Variants in STK39 observed in about 807,000 individuals in gnomAD.
The protein encoded by STK39 is STE20/SPS1-related proline-alanine-rich protein kinase.
STK39 carries 20 observed loss-of-function variants against 77.8 expected under a neutral mutation model. That is an observed-to-expected ratio of 0.26 (90% CI 0.18 to 0.37). STK39 has a LOEUF of 0.37. Among genes scored for constraint, STK39 ranks in the 10% least tolerant of loss-of-function variants. The pLI is 1.00. For missense variants in STK39, 479 were observed against 656.5 expected (o/e 0.73, Z 2.95); for synonymous variants, 246 against 234.1 (o/e 1.05, Z -0.47).
intron 5 of STK39, among the ~76,000 whole-genome samples, chr2:168,145,181 A>G (rs1688103770): frequency 6.6e-6 from 1 of 152,200 alleles, no homozygotes; most frequent in Non-Finnish European, 1.5e-5. Flanking sequence ...CCAGACAAAG[A>G]AACGGCATGA....
At chr2:168,077,903 C>CA (rs10707753) in intron 10 of STK39, among the ~76,000 whole-genome samples, 5,469 of 135,498 alleles carry the variant, frequency 0.04, 327 homozygotes, top group African/African-American at 0.13. Context: ...GTTAAAACTT[C>CA]AAAAAAAAAA....
intron 10 of STK39, among the ~76,000 whole-genome samples, chr2:168,081,709 G>T (rs1053895507): frequency 2.6e-5 from 4 of 152,168 alleles, no homozygotes; most frequent in South Asian, 4.1e-4. Flanking sequence ...ATCTTGAATT[G>T]TAACTCCCAC....
chr2:168,238,059 C>G (rs968374536), intron 1 of STK39, among the ~76,000 whole-genome samples: 1 of 152,146 alleles, frequency 6.6e-6, no homozygotes, highest in African/African-American at 2.4e-5. Flanking sequence ...TTTTCAATCC[C>G]CAGACTAAAC....
intron 10 of STK39, among the ~76,000 whole-genome samples, chr2:168,109,579 G>A (rs1022895845): frequency 2.6e-5 from 4 of 152,150 alleles, no homozygotes; most frequent in Admixed American, 6.5e-5. Context: ...TTCTCGAAGC[G>A]TAAAATTGTG....
At chr2:168,051,992 C>A (rs1685409082) in intron 14 of STK39, among the ~76,000 whole-genome samples, 1 of 141,082 alleles carries the variant, frequency 7.1e-6, no homozygotes, top group Non-Finnish European at 1.6e-5. Flanking sequence ...ATGAGGAAGA[C>A]TTTTTTTTTT....
intron 1 of STK39, among the ~76,000 whole-genome samples, chr2:168,183,967 T>A (rs571476254): frequency 6.6e-6 from 1 of 152,248 alleles, no homozygotes; most frequent in East Asian, 1.9e-4. Context: ...CTGGGCCTGG[T>A]ACCCAGCAGA....
chr2:168,199,488 G>C (rs1293605505), intron 1 of STK39, among the ~76,000 whole-genome samples: 1 of 151,930 alleles, frequency 6.6e-6, no homozygotes, highest in Non-Finnish European at 1.5e-5. Context: ...GGAATTCCAT[G>C]ATAAATTACT....
intron 14 of STK39, among the ~76,000 whole-genome samples, chr2:168,034,694 T>C (rs1684908314): frequency 6.6e-6 from 1 of 152,194 alleles, no homozygotes; most frequent in Non-Finnish European, 1.5e-5. Flanking sequence ...TTGCTGTTAT[T>C]ATGGATCGGT....
intron 10 of STK39, among the ~76,000 whole-genome samples, chr2:168,088,709 G>A (rs889844454): frequency 2.0e-5 from 3 of 152,054 alleles, no homozygotes; most frequent in African/African-American, 7.2e-5. Flanking sequence ...AATGAGGAGA[G>A]GCACACATAC....
chr2:168,097,653 T>C (rs752963494), intron 10 of STK39, among the ~76,000 whole-genome samples: 2 of 151,978 alleles, frequency 1.3e-5, no homozygotes, highest in Non-Finnish European at 2.9e-5. Flanking sequence ...GAGGATCCCT[T>C]GAGGCCAGGA....
At chr2:168,212,034 A>C (rs1418567082) in intron 1 of STK39, among the ~76,000 whole-genome samples, 1 of 152,228 alleles carries the variant, frequency 6.6e-6, no homozygotes, top group African/African-American at 2.4e-5. Context: ...AGTTGAAACT[A>C]ATACCCAAAA....
At chr2:168,075,268 C>T (rs201830552) in intron 10 of STK39, 37 bp from the exon 11 acceptor site, 2 of 1,610,702 alleles carry the variant, frequency 1.2e-6, no homozygotes, top group Non-Finnish European at 1.7e-6. Context: ...CTTCACTAGT[C>T]AAATGTGAAC....
chr2:168,209,940 A>T (rs1466636281), intron 1 of STK39, among the ~76,000 whole-genome samples: 1 of 151,520 alleles, frequency 6.6e-6, no homozygotes, highest in East Asian at 2.0e-4. Flanking sequence ...CAGAGGTTGC[A>T]ATGAGCCAAG....
At chr2:168,246,919 C>G (rs1690926280) in intron 1 of STK39, among the ~76,000 whole-genome samples, 1 of 151,944 alleles carries the variant, frequency 6.6e-6, no homozygotes, top group African/African-American at 2.4e-5. Context: ...TGCGGCGGCG[C>G]CGCCTGGTCC....
chr2:168,097,751 AAAG>A (rs1400835009), intron 10 of STK39, among the ~76,000 whole-genome samples: 3 of 151,636 alleles, frequency 2.0e-5, no homozygotes, highest in Non-Finnish European at 4.4e-5. Flanking sequence ...AAAAAAAAAA[AAAG>A]AAGACGAAGA....
chr2:168,046,149 CGAG>C (rs1685234953), intron 14 of STK39, among the ~76,000 whole-genome samples: 1 of 152,114 alleles, frequency 6.6e-6, no homozygotes, highest in Non-Finnish European at 1.5e-5. Flanking sequence ...GGGCGGATCA[CGAG>C]GTCAGGAGAT....
chr2:168,216,091 T>G (rs1472138872), intron 1 of STK39, among the ~76,000 whole-genome samples: 1 of 152,014 alleles, frequency 6.6e-6, no homozygotes, highest in Non-Finnish European at 1.5e-5. Context: ...AGGAGAAACC[T>G]CACATTGGTG....
At chr2:168,235,542 G>A (rs1039375397) in intron 1 of STK39, among the ~76,000 whole-genome samples, 12 of 151,178 alleles carry the variant, frequency 7.9e-5, no homozygotes, top group Non-Finnish European at 1.6e-4. Context: ...GGTGTGCTGC[G>A]CCCAGTAACT....
intron 2 of STK39, among the ~76,000 whole-genome samples, chr2:168,169,906 C>T (rs1028650533): frequency 6.6e-6 from 1 of 151,592 alleles, no homozygotes; most frequent in Non-Finnish European, 1.5e-5. Context: ...ACCTCACATT[C>T]TTCTTCCATG....
Sources: allele counts gnomAD v4.1 joint callset (sites outside exome capture counted in the v4.1 genomes callset), GRCh38; gene constraint gnomAD v4.1.1; transcripts MANE v1.5; gene names NCBI Gene and HGNC (gene_info 2026-07-23, HGNC 2026-07-21).